The following GRB14 variants were observed in gnomAD, a reference collection of about 807,000 sequenced individuals.
GRB14 encodes growth factor receptor bound protein 14, also known as growth factor receptor-bound protein 14.
Under a neutral mutation model 69.1 loss-of-function variants are expected in GRB14, and 38 were observed. The ratio of observed to expected loss-of-function variants is 0.55; its 90% CI spans 0.42 to 0.72. GRB14 has a LOEUF of 0.72. GRB14 is among the 30% of genes least tolerant of loss of function. GRB14 has a pLI of 0.00. For missense variants in GRB14, 666 were observed against 666.1 expected (o/e 1.00, Z 0.00); for synonymous variants, 247 against 241.3 (o/e 1.02, Z -0.22).
chr2:164,617,313 G>T (rs1400024821), intron 2 of GRB14, among the ~76,000 whole-genome samples: 2 of 151,976 alleles, frequency 1.3e-5, no homozygotes, highest in East Asian at 1.9e-4. Flanking sequence ...TGTGTGTGTG[G>T]GTACAGTGTT....
chr2:164,512,763 A>G (rs1225934972), intron 6 of GRB14, among the ~76,000 whole-genome samples: 1 of 152,204 alleles, frequency 6.6e-6, no homozygotes, highest in Non-Finnish European at 1.5e-5. Flanking sequence ...CAGTTGGGGG[A>G]AAATATGGGA....
At chr2:164,580,687 G>C (rs1689380999) in intron 2 of GRB14, among the ~76,000 whole-genome samples, 1 of 145,702 alleles carries the variant, frequency 6.9e-6, no homozygotes, top group South Asian at 2.2e-4. Context: ...TTGGGCAACA[G>C]AGCAAGACTC....
intron 5 of GRB14, 21 bp from the exon 6 acceptor site, chr2:164,522,138 T>C (rs1454341241): frequency 7.1e-7 from 1 of 1,400,948 alleles, no homozygotes; most frequent in Admixed American, 2.0e-5. Flanking sequence ...ATTTATATAT[T>C]TTCAAACTAT....
At chr2:164,587,526 T>C (rs1453129085) in intron 2 of GRB14, among the ~76,000 whole-genome samples, 2 of 152,218 alleles carry the variant, frequency 1.3e-5, no homozygotes, top group African/African-American at 4.8e-5. Flanking sequence ...ACAGTCATTG[T>C]CTTCTTTAAT....
intron 3 of GRB14, among the ~76,000 whole-genome samples, chr2:164,532,195 A>G (rs1206540157): frequency 2.6e-5 from 4 of 152,194 alleles, no homozygotes; most frequent in Admixed American, 6.5e-5. Context: ...TATGGAACTC[A>G]TTGATAAAAA....
chr2:164,521,920 C>A, intron 6 of GRB14, 60 bp downstream of exon 6: 1 of 1,392,050 alleles, frequency 7.2e-7, no homozygotes. Flanking sequence ...ACAAAGTCAA[C>A]GTGTTTTAAC....
At chr2:164,513,551 A>C (rs655510) in intron 6 of GRB14, among the ~76,000 whole-genome samples, 64,132 of 152,010 alleles carry the variant, frequency 0.42, 16,184 homozygotes, top group Non-Finnish European at 0.57. Context: ...AGAAAATCCT[A>C]AGACAAATGC....
intron 2 of GRB14, among the ~76,000 whole-genome samples, chr2:164,598,541 G>A (rs1402929097): frequency 2.0e-5 from 3 of 152,282 alleles, no homozygotes; most frequent in South Asian, 2.1e-4. Flanking sequence ...GGACAAAATT[G>A]TTGGGCAGGG....
chr2:164,539,220 A>C (rs981912947), intron 3 of GRB14, among the ~76,000 whole-genome samples: 7 of 152,136 alleles, frequency 4.6e-5, no homozygotes, highest in African/African-American at 1.7e-4. Flanking sequence ...CACGCCTGTA[A>C]TCCCAGCACT....
chr2:164,569,342 A>C lies in GRB14; in HGVS notation c.325-21526T>G, dbSNP rs180958744. On this transcript the variant is annotated intron_variant, in intron 2 of 13. Transcript: ENST00000263915. ...GAAAAATTTCAATGAAGTCTAAATA[A>C]AAAATGAAAGAAACACTCAAAAATG... Among the ~76,000 whole-genome samples, 4 of 152,328 alleles carry C rather than the reference A, an allele frequency of 2.6e-5. No individual in the cohort carries two copies. The East Asian group carries it at 7.7e-4, about 29-fold the overall frequency.
At chr2:164,515,804 A>AG (rs1328685104) in intron 6 of GRB14, among the ~76,000 whole-genome samples, 1 of 10,364 alleles carries the variant, frequency 9.6e-5, no homozygotes, top group Non-Finnish European at 3.5e-4. Flanking sequence ...ACTTAGTGAG[A>AG]AAAAAAAAAA....
chr2:164,561,548 A>G (rs1330655482), intron 2 of GRB14, among the ~76,000 whole-genome samples: 1 of 152,134 alleles, frequency 6.6e-6, no homozygotes, highest in Non-Finnish European at 1.5e-5. Flanking sequence ...TGAAAAGACT[A>G]CAGGTGAGAG....
chr2:164,508,744 T>C lies in GRB14; in HGVS notation c.925A>G (p.Lys309Glu). 1.3e-6 allele frequency: 2 copies of C among 1,580,930 alleles called. No homozygotes were observed. Among genetic ancestry groups the C allele is most frequent in the Non-Finnish European group, 1.7e-6 (2 of 1,167,978 alleles). ...GAPTNYGFCF[K>E]PNKAGGPRDL... is the part of the protein sequence containing the mutation. ...CTATCAAAATATTAAGCCTGTACCT[T>C]AAAGCAGAATCCATAGTTAGTCGGT... The change falls in exon 7 of 14, where the codon AAG (lysine) becomes GAG (glutamate). Residue 309 changes from lysine to glutamate, a missense_variant and splice_region_variant. Transcript: ENST00000263915.
At chr2:164,513,116 C>A (rs1269537277) in intron 6 of GRB14, among the ~76,000 whole-genome samples, 1 of 151,920 alleles carries the variant, frequency 6.6e-6, no homozygotes, top group Non-Finnish European at 1.5e-5. Context: ...TTTCTCTTTC[C>A]TTCCCACTCC....
intron 3 of GRB14, among the ~76,000 whole-genome samples, chr2:164,543,599 C>T (rs1688292358): frequency 6.6e-6 from 1 of 152,154 alleles, no homozygotes; most frequent in African/African-American, 2.4e-5. Context: ...GAAAATAGTT[C>T]ATCCTTTGGT....
intron 2 of GRB14, among the ~76,000 whole-genome samples, chr2:164,602,640 G>A (rs1398632103): frequency 6.6e-6 from 1 of 152,202 alleles, no homozygotes; most frequent in African/African-American, 2.4e-5. Flanking sequence ...TACTCTAGGT[G>A]AGAGTGTTAT....
At chr2:164,561,050 C>T (rs1688815521) in intron 2 of GRB14, among the ~76,000 whole-genome samples, 1 of 152,068 alleles carries the variant, frequency 6.6e-6, no homozygotes, top group African/African-American at 2.4e-5. Flanking sequence ...AGAGCCAGCC[C>T]TACAGACCGC....
At chr2:164,586,276 G>T (rs1437855537) in intron 2 of GRB14, among the ~76,000 whole-genome samples, 1 of 152,298 alleles carries the variant, frequency 6.6e-6, no homozygotes, top group East Asian at 1.9e-4. Context: ...TATGATAGTA[G>T]AAAGTTGCAT....
intron 2 of GRB14, among the ~76,000 whole-genome samples, chr2:164,582,804 C>T (rs949469976): frequency 1.8e-4 from 27 of 152,162 alleles, no homozygotes; most frequent in African/African-American, 5.6e-4. Context: ...GGTCTCCACA[C>T]CGTCATGGAA....
Sources: allele counts gnomAD v4.1 joint callset (sites outside exome capture counted in the v4.1 genomes callset), GRCh38; gene constraint gnomAD v4.1.1; transcripts MANE v1.5; gene names NCBI Gene and HGNC (gene_info 2026-07-23, HGNC 2026-07-21).